MYOCD: variants seen among roughly 807,000 people sequenced by gnomAD.
MYOCD encodes myocardin.
Under a neutral mutation model 96.1 loss-of-function variants are expected in MYOCD, and 32 were observed. The observed-to-expected ratio is 0.33, with a 90% CI of 0.25 to 0.45. The LOEUF (loss-of-function observed/expected upper bound fraction) is 0.45. MYOCD is among the 20% of genes least tolerant of loss of function. The pLI is 1.00. For missense variants in MYOCD, 1,133 were observed against 1,200.6 expected, an observed-to-expected ratio of 0.94 and a Z score of 0.83; for synonymous variants, 469 against 469.0, an observed-to-expected ratio of 1.00 and a Z score of 0.00.
chr17:12,733,106 C>T (rs971370338), intron 5 of MYOCD, among the ~76,000 whole-genome samples: 8 of 151,878 alleles, frequency 5.3e-5, no homozygotes, highest in African/African-American at 1.9e-4. Flanking sequence ...GTCAGGAGAT[C>T]GAAACCATCC....
chr17:12,691,777 A>G (rs2030460990), intron 1 of MYOCD, among the ~76,000 whole-genome samples: 1 of 152,218 alleles, frequency 6.6e-6, no homozygotes, highest in Non-Finnish European at 1.5e-5. Flanking sequence ...ATAAAAGTTT[A>G]GAGTCCAAAA....
rs569287337 is a variant in MYOCD at position 12,700,016 on chromosome 17, C to A, written c.56-5112C>A. ...CCTCTGCCTCCCAGTTCAAGCAATT[C>A]TCCTGCCTCAGCCTCCCGAGTAGCT... On this transcript the variant is annotated intron_variant, in intron 1 of 13. Coordinates refer to ENST00000425538, the MANE Select transcript of MYOCD (RefSeq NM_001146312.3). Among the ~76,000 whole-genome samples, 11 of 143,962 alleles carry A rather than the reference C, an allele frequency of 7.6e-5. No individual in the cohort carries two copies. The South Asian group carries it at 2.0e-3, about 27-fold the overall frequency. The allele number at this position is 143,962 out of a possible 152,430, so 94.4% of individuals were successfully genotyped here.
intron 1 of MYOCD, among the ~76,000 whole-genome samples, chr17:12,690,396 C>G (rs908475827): frequency 6.6e-5 from 10 of 152,074 alleles, no homozygotes; most frequent in African/African-American, 2.4e-4. Flanking sequence ...TCCCATAGTC[C>G]TGGTAAGAGT....
Position 12,763,532 on chromosome 17 carries a change from C to T in MYOCD, c.2849C>T (p.Pro950Leu). The change falls in exon 14 of 14, where the codon CCA (proline) becomes CTA (leucine). Residue 950 changes from proline (P) to leucine (L), a missense_variant. By Grantham distance (98) the Pro-to-Leu change is moderately conservative. Transcript: ENST00000425538. ...WLDLTPPNST[P>L]GFSALTTSSP... The stretch of plus-strand genomic sequence containing the variant: ...GACCTCACTCCGCCAAATTCCACAC[C>T]AGGCTTTAGCGCCCTCACCACCAGC... 1 of 1,614,148 alleles carries T rather than the reference C, an allele frequency of 6.2e-7. No homozygotes were observed. Among genetic ancestry groups the T allele is most frequent in the Non-Finnish European group, 8.5e-7 (1 of 1,180,028 alleles).
intron 1 of MYOCD, among the ~76,000 whole-genome samples, chr17:12,680,945 C>A (rs1429383221): frequency 1.3e-5 from 2 of 152,132 alleles, no homozygotes; most frequent in African/African-American, 4.8e-5. Flanking sequence ...ATCTGATGCT[C>A]ACATGCCTGC....
At chr17:12,742,815 G>A (rs1352136912) in intron 7 of MYOCD, among the ~76,000 whole-genome samples, 5 of 151,918 alleles carry the variant, frequency 3.3e-5, no homozygotes, top group South Asian at 4.2e-4. Flanking sequence ...CAAGTGATGC[G>A]CCCACCTCCG....
In MYOCD at chr17:12,764,060, A is replaced by G. The variant is rs1169046046; in HGVS notation, c.*416A>G. 1 of 155,462 alleles carries G rather than the reference A, an allele frequency of 6.4e-6. No individual in the cohort carries two copies. The highest frequency in any genetic ancestry group is 1.4e-5 in the Non-Finnish European group (1 of 70,502). The allele number at this position is 155,462 out of a possible 1,614,324, so 9.6% of individuals were successfully genotyped here. On this transcript the variant is annotated 3_prime_UTR_variant, in exon 14 of 14. Coordinates refer to ENST00000425538, the MANE Select transcript of MYOCD (RefSeq NM_001146312.3). ...AGTCTTTTGGGAGTACAGGGAAGCC[A>G]GCCCCTCAAAGCTTATGGAAGACAT...
chr17:12,762,993 A>T, intron 13 of MYOCD, 80 bp from the exon 14 acceptor site: 1 of 1,234,596 alleles, frequency 8.1e-7, no homozygotes, highest in Admixed American at 2.1e-5. Flanking sequence ...CATCTTCTGT[A>T]TCTAAGTGTA....
At position 12,754,115 on chromosome 17, in the gene MYOCD, G is replaced by GT. The variant is rs562703731; in HGVS notation, c.2058+776dup. ...GTGTGTAGTTTGGAAGTTTGCAACTGTTTTTTTGAGATAGAGTCTCGCTCT... is the reference window on the plus strand; with the variant it reads ...GTGTGTAGTTTGGAAGTTTGCAACTGTTTTTTTTGAGATAGAGTCTCGCTCT... On this transcript the variant is annotated intron_variant, in intron 10 of 13. Transcript: ENST00000425538. Among the ~76,000 whole-genome samples the GT allele has an allele frequency of 1.1e-4, 16 of 151,138 alleles. No homozygotes were observed. In the East Asian group the frequency reaches 1.4e-3, roughly 13 times the overall value.
chr17:12,699,965 A>G (rs1056458609), intron 1 of MYOCD, among the ~76,000 whole-genome samples: 1 of 140,900 alleles, frequency 7.1e-6, no homozygotes, highest in Non-Finnish European at 1.5e-5. Flanking sequence ...GCTGGAGTGC[A>G]ATGGCACAAT....
intron 8 of MYOCD, 150 bp from the exon 9 acceptor site, chr17:12,745,769 C>G: frequency 1.3e-6 from 1 of 753,596 alleles, no homozygotes; most frequent in Non-Finnish European, 2.2e-6. Flanking sequence ...ACCGTCTAGC[C>G]GGCAGTGTTG....
intron 5 of MYOCD, among the ~76,000 whole-genome samples, chr17:12,726,624 T>C (rs947129828): frequency 6.6e-6 from 1 of 152,214 alleles, no homozygotes; most frequent in Non-Finnish European, 1.5e-5. Context: ...GGGATCCTGG[T>C]TTTTGATAAG....
chr17:12,686,689 G>A (rs1025864794), intron 1 of MYOCD, among the ~76,000 whole-genome samples: 1 of 152,186 alleles, frequency 6.6e-6, no homozygotes, highest in Admixed American at 6.5e-5. Flanking sequence ...GTTGCCAAGG[G>A]CACTGGTTGC....
At chr17:12,692,221 CA>C (rs1161038536) in intron 1 of MYOCD, among the ~76,000 whole-genome samples, 1 of 152,214 alleles carries the variant, frequency 6.6e-6, no homozygotes, top group Non-Finnish European at 1.5e-5. Context: ...GCCAATGTTT[CA>C]GGCAGTAATG....
chr17:12,681,859 T>C (rs1232940214), intron 1 of MYOCD, among the ~76,000 whole-genome samples: 1 of 152,026 alleles, frequency 6.6e-6, no homozygotes, highest in Admixed American at 6.6e-5. Flanking sequence ...CTCCCTGCAG[T>C]AGATGAGCAG....
chr17:12,730,118 G>C (rs1305224228), intron 5 of MYOCD, among the ~76,000 whole-genome samples: 2 of 151,894 alleles, frequency 1.3e-5, no homozygotes, highest in Non-Finnish European at 2.9e-5. Context: ...CTGCACACCA[G>C]CCTGGGTGAC....
intron 1 of MYOCD, among the ~76,000 whole-genome samples, chr17:12,688,594 A>T (rs1296262902): frequency 8.8e-5 from 8 of 90,960 alleles, no homozygotes; most frequent in South Asian, 3.3e-4. Context: ...CCTTCCTTCC[A>T]TCTCCTTCCT....
At chr17:12,756,695 C>CAAAAAAAAAAAAAAAAAAAAAAAAAAAAA (rs11307445) in intron 11 of MYOCD, 138 bp downstream of exon 11, 74 of 134,326 alleles carry the variant, frequency 5.5e-4, no homozygotes, top group African/African-American at 8.8e-4. Flanking sequence ...GACTGCATCT[C>CAAAAAAAAAAAAAAAAAAAAAAAAAAAAA]AAAAAAAAAA....
chr17:12,720,894 T>C (rs1597780578), intron 4 of MYOCD, among the ~76,000 whole-genome samples: 1 of 151,612 alleles, frequency 6.6e-6, no homozygotes, highest in Non-Finnish European at 1.5e-5. Flanking sequence ...TGGTGGCGGG[T>C]GCCTGTAGTC....
Sources: gnomAD v4.1 joint callset for allele counts (sites outside exome capture counted in the v4.1 genomes callset) on GRCh38, gnomAD v4.1.1 for gene constraint, MANE v1.5 for transcripts, NCBI Gene and HGNC (gene_info 2026-07-23, HGNC 2026-07-21) for gene names.